Variants in HDAC7 observed in about 807,000 individuals in gnomAD.
The protein encoded by HDAC7 is histone deacetylase 7.
In HDAC7, 26 loss-of-function variants were observed where a neutral mutation model predicts 115.5. The observed-to-expected ratio is 0.23, with a 90% CI of 0.16 to 0.31. The LOEUF (loss-of-function observed/expected upper bound fraction) is 0.31, where lower values mean the gene tolerates loss of function less well. Among genes scored for constraint, HDAC7 ranks in the 10% least tolerant of loss-of-function variants. The pLI is 1.00. For missense variants in HDAC7, 1,068 were observed against 1,329.0 expected (o/e 0.80, Z 3.05); for synonymous variants, 564 against 550.9 (o/e 1.02, Z -0.33).
intron 2 of HDAC7, among the ~76,000 whole-genome samples, chr12:47,800,500 C>T (rs1944110387): frequency 6.6e-6 from 1 of 152,222 alleles, no homozygotes; most frequent in Non-Finnish European, 1.5e-5. Context: ...ACAGTGATGG[C>T]TGTGCACCCA....
chr12:47,789,046 G>T (rs1592635851), intron 19 of HDAC7: 1 of 568,404 alleles, frequency 1.8e-6, no homozygotes, highest in South Asian at 2.3e-5. Context: ...TCGTTGCAGG[G>T]GTTTGCGATG....
intron 1 of HDAC7, among the ~76,000 whole-genome samples, chr12:47,813,983 A>C (rs772607980): frequency 3.3e-5 from 5 of 152,178 alleles, no homozygotes; most frequent in Non-Finnish European, 7.4e-5. Context: ...CCTGACACCC[A>C]AGTTGCTGAT....
intron 1 of HDAC7, among the ~76,000 whole-genome samples, chr12:47,810,697 T>C (rs1413028861): frequency 6.6e-6 from 1 of 152,194 alleles, no homozygotes; most frequent in Non-Finnish European, 1.5e-5. Context: ...AAACGCTGCG[T>C]GAGCTCTCTG....
intron 24 of HDAC7, chr12:47,784,525 G>A: frequency 1.6e-6 from 1 of 614,678 alleles, no homozygotes; most frequent in Non-Finnish European, 2.8e-6. Flanking sequence ...CGGGGCTCCT[G>A]AGAGCATCAG....
intron 2 of HDAC7, among the ~76,000 whole-genome samples, chr12:47,801,675 G>C (rs184263505): frequency 6.6e-6 from 1 of 152,342 alleles, no homozygotes; most frequent in East Asian, 1.9e-4. Flanking sequence ...ACCGCGTCTA[G>C]TCCAGACCTG....
Position 47,792,013 on chromosome 12 carries a change from G to C in HDAC7, c.1679-9C>G. ...CGAGTCATAGATCAGCCCTGCAGGA[G>C]CAAGGGTCAGAGCGGGGACCCAGGG... On this transcript the variant is annotated splice_polypyrimidine_tract_variant and intron_variant, in intron 13 of 25. Coordinates refer to ENST00000080059, the MANE Select transcript of HDAC7 (RefSeq NM_015401.5). 6.2e-7 allele frequency: 1 copy of C among 1,600,214 alleles called. No individual in the cohort carries two copies. Among genetic ancestry groups the C allele is most frequent in the Non-Finnish European group, 8.5e-7 (1 of 1,170,786 alleles).
intron 1 of HDAC7, chr12:47,802,660 G>A: frequency 1.6e-6 from 1 of 615,448 alleles, no homozygotes; most frequent in African/African-American, 1.9e-5. Context: ...AGGCCAAGAG[G>A]TGAGGTGGGG....
At chr12:47,784,675 C>A in intron 24 of HDAC7, 1 of 1,521,640 alleles carries the variant, frequency 6.6e-7, no homozygotes, top group East Asian at 2.5e-5. Context: ...GTGGGACGAA[C>A]ACAACATGGG....
rs750135679 is a variant in HDAC7 at position 47,795,222 on chromosome 12, G to A, written c.1246C>T (p.Arg416Cys). The A allele has an allele frequency of 2.0e-5, 33 of 1,612,786 alleles. No homozygotes were observed. The highest frequency in any genetic ancestry group is 7.7e-5 in the South Asian group (7 of 90,950). Residue 416 changes from arginine to cysteine, a missense_variant, in exon 11 of 26, where the codon CGC (arginine) becomes TGC (cysteine). Around this residue, in one of 6 missense-constraint regions of HDAC7, gnomAD observed 618 missense variants for 701.5 expected, o/e 0.88. Transcript: ENST00000080059. The surrounding 1 kb of genome is among the most constrained non-coding windows in gnomAD (Gnocchi z 4.3). ...APPPPGPMQP[R>C]LEQLKTHVQV... is the part of the protein sequence containing the mutation. ...ACGTGAGTTTTGAGCTGCTCCAGGC[G>A]GGGCTGCATGGGGCCCGGCGGTGGG...
intron 1 of HDAC7, among the ~76,000 whole-genome samples, chr12:47,805,010 G>A (rs989461251): frequency 7.9e-5 from 12 of 151,674 alleles, no homozygotes; most frequent in Middle Eastern, 3.4e-3. Context: ...GGGACAAAAG[G>A]CTTCCCCAGG....
chr12:47,784,494 T>C, intron 24 of HDAC7: 1 of 604,716 alleles, frequency 1.7e-6, no homozygotes, highest in African/African-American at 1.9e-5. Flanking sequence ...AAGGCCACCT[T>C]TGACTCATTC....
chr12:47,792,196 C>T (rs1055065031), intron 13 of HDAC7, 192 bp from the exon 14 acceptor site: 1 of 607,458 alleles, frequency 1.6e-6, no homozygotes, highest in Non-Finnish European at 2.8e-6. Context: ...CCTGTCCACA[C>T]ACGCCCAGAC....
chr12:47,782,850 C>T lies in HDAC7; in HGVS notation c.*991G>A, dbSNP rs1942936679. 1.7e-5 allele frequency: 2 copies of T among 117,174 alleles called. No individual in the cohort carries two copies. Among genetic ancestry groups the T allele is most frequent in the Non-Finnish European group, 2.2e-5 (1 of 45,808 alleles). The allele number at this position is 117,174 out of a possible 1,614,324, so 7.3% of individuals were successfully genotyped here. The stretch of plus-strand genomic sequence containing the variant: ...CACACACACACGCCTCACTCACACA[C>T]ACGCTCACACACACGCCTCACTCAC... On this transcript the variant is annotated 3_prime_UTR_variant, in exon 26 of 26. Coordinates refer to ENST00000080059, the MANE Select transcript of HDAC7 (RefSeq NM_015401.5).
chr12:47,821,342 A>G (rs1027387533), upstream of HDAC7, among the ~76,000 whole-genome samples: 24 of 152,050 alleles, frequency 1.6e-4, no homozygotes, highest in African/African-American at 5.8e-4. Context: ...TCAGCGTGGG[A>G]CTTCTTACTT....
Position 47,786,565 on chromosome 12 carries a change from C to T in HDAC7, c.2572+20G>A. ...CTGGCTCTCTGTCCCTAACGTCCCCCTCAGCTGAGGCTCCCTTACATTTGG... is the reference window on the plus strand; with the variant it reads ...CTGGCTCTCTGTCCCTAACGTCCCCTTCAGCTGAGGCTCCCTTACATTTGG... On this transcript the variant is annotated intron_variant, in intron 22 of 25. Transcript: ENST00000080059. The T allele has an allele frequency of 6.4e-7, 1 of 1,567,142 alleles. No homozygotes were observed. The highest frequency in any genetic ancestry group is 1.7e-4 in the Middle Eastern group (1 of 5,932).
intron 19 of HDAC7, chr12:47,788,859 T>G (rs1401024227): frequency 5.8e-6 from 1 of 173,600 alleles, no homozygotes; most frequent in African/African-American, 2.4e-5. Context: ...TGGGTTATAG[T>G]CAGGATTAAA....
chr12:47,814,399 G>A (rs1391323127), intron 1 of HDAC7, among the ~76,000 whole-genome samples: 2 of 152,232 alleles, frequency 1.3e-5, no homozygotes, highest in Non-Finnish European at 2.9e-5. Context: ...CTAGACCAGA[G>A]GGAAGGGACT....
intron 13 of HDAC7, chr12:47,792,972 G>A: frequency 3.7e-6 from 1 of 270,768 alleles, no homozygotes; most frequent in South Asian, 4.2e-5. Flanking sequence ...CTGGGTGGTG[G>A]GATACTGGTT....
In HDAC7 at chr12:47,784,187, G is replaced by T. The variant is rs537808499; in HGVS notation, c.2822C>A (p.Ala941Asp). ...AGGCACCCAGGAGTCTGGACAGGAGGCCAGGCGCTGCATGCAGCCCCAGTA... is the reference window on the plus strand; with the variant it reads ...AGGCACCCAGGAGTCTGGACAGGAGTCCAGGCGCTGCATGCAGCCCCAGTA... Reference protein sequence around the residue: ...SKYWGCMQRLASCPDSWVPRV... With the variant: ...SKYWGCMQRLDSCPDSWVPRV... Residue 941 changes from alanine to aspartate, a missense_variant, in exon 25 of 26, where the codon GCC (alanine) becomes GAC (aspartate). This residue lies in a region of HDAC7 where 98 missense variants were observed against 123.9 expected (regional missense o/e 0.79). Transcript: ENST00000080059. 1.1e-5 allele frequency: 17 copies of T among 1,612,790 alleles called. No individual in the cohort carries two copies. In the South Asian group the frequency reaches 1.9e-4, roughly 18 times the overall value.
Sources: gnomAD v4.1 joint callset for allele counts (sites outside exome capture counted in the v4.1 genomes callset) on GRCh38, gnomAD v4.1.1 for gene constraint, gnomAD v4.1.1 regional missense constraint, Gnocchi (gnomAD v3.1) non-coding constraint, MANE v1.5 for transcripts, NCBI Gene and HGNC (gene_info 2026-07-23, HGNC 2026-07-21) for gene names.